ARHGAP10: variants seen among roughly 807,000 people sequenced by gnomAD.
The protein encoded by ARHGAP10 is Rho GTPase activating protein 10.
A neutral mutation model predicts 108.6 loss-of-function variants in ARHGAP10; 87 were observed. That is an observed-to-expected ratio of 0.80 (90% CI 0.67 to 0.96). ARHGAP10 has a LOEUF of 0.96. Among genes scored for constraint, ARHGAP10 ranks in the 40% least tolerant of loss-of-function variants. The pLI, the probability that ARHGAP10 is intolerant of heterozygous loss-of-function variation, is 0.00. For missense variants in ARHGAP10, 939 were observed against 954.5 expected (o/e 0.98, Z 0.21); for synonymous variants, 347 against 341.1 (o/e 1.02, Z -0.19).
chr4:147,737,056 T>C (rs1728446150), intron 1 of ARHGAP10, among the ~76,000 whole-genome samples: 1 of 152,230 alleles, frequency 6.6e-6, no homozygotes, highest in African/African-American at 2.4e-5. Context: ...GGATTTTCTA[T>C]GCTTTGAATG....
chr4:147,989,111 A>G (rs1740161820), intron 18 of ARHGAP10, among the ~76,000 whole-genome samples: 1 of 152,240 alleles, frequency 6.6e-6, no homozygotes, highest in Non-Finnish European at 1.5e-5. Context: ...TCCGGGGGAG[A>G]CATCACACAT....
chr4:147,874,007 G>A (rs1329098268), intron 7 of ARHGAP10, among the ~76,000 whole-genome samples: 3 of 151,244 alleles, frequency 2.0e-5, no homozygotes, highest in Non-Finnish European at 4.4e-5. Flanking sequence ...GATATTTCTC[G>A]CAGCTCTTAG....
chr4:147,981,810 TCTTA>T (rs1560857679), intron 18 of ARHGAP10, among the ~76,000 whole-genome samples: 1 of 151,340 alleles, frequency 6.6e-6, no homozygotes, highest in Non-Finnish European at 1.5e-5. Context: ...TATGTAATGC[TCTTA>T]CTTGTCCTTT....
intron 20 of ARHGAP10, among the ~76,000 whole-genome samples, chr4:148,050,186 G>A (rs1163349498): frequency 6.6e-6 from 1 of 151,708 alleles, no homozygotes; most frequent in African/African-American, 2.4e-5. Flanking sequence ...TTAATGATAG[G>A]AATTAGATCT....
At chr4:147,773,008 A>G (rs1730137848) in intron 1 of ARHGAP10, among the ~76,000 whole-genome samples, 1 of 152,206 alleles carries the variant, frequency 6.6e-6, no homozygotes, top group Admixed American at 6.5e-5. Context: ...GAACTCCTGC[A>G]TTCCAGAGTT....
chr4:147,972,695 G>A (rs1739456213), intron 18 of ARHGAP10, among the ~76,000 whole-genome samples: 1 of 152,168 alleles, frequency 6.6e-6, no homozygotes, highest in South Asian at 2.1e-4. Flanking sequence ...CAAGTATGAG[G>A]ACAGGCTAGT....
chr4:148,052,157 A>C (rs17024286), intron 20 of ARHGAP10, among the ~76,000 whole-genome samples: 130 of 152,118 alleles, frequency 8.5e-4, no homozygotes, highest in African/African-American at 3.0e-3. Context: ...TCTGGTGCCT[A>C]CTGAGAAATT....
chr4:147,792,036 G>A (rs1048150040), intron 1 of ARHGAP10, among the ~76,000 whole-genome samples: 6 of 152,196 alleles, frequency 3.9e-5, no homozygotes, highest in Admixed American at 3.9e-4. Context: ...GGGACATCAC[G>A]TGAGAGTAGA....
intron 7 of ARHGAP10, among the ~76,000 whole-genome samples, chr4:147,872,790 A>G (rs1039496105): frequency 6.6e-6 from 1 of 152,218 alleles, no homozygotes; most frequent in Non-Finnish European, 1.5e-5. Context: ...GTGTCTTCAT[A>G]ATGAGTAGGC....
chr4:147,734,893 C>T (rs928163168), intron 1 of ARHGAP10, among the ~76,000 whole-genome samples: 1 of 152,082 alleles, frequency 6.6e-6, no homozygotes, highest in Non-Finnish European at 1.5e-5. Context: ...TTTATATTTC[C>T]AGATATTTTA....
intron 18 of ARHGAP10, among the ~76,000 whole-genome samples, chr4:147,980,361 C>A (rs902379859): frequency 6.6e-6 from 1 of 151,984 alleles, no homozygotes; most frequent in Non-Finnish European, 1.5e-5. Flanking sequence ...GGTAGATGAA[C>A]CACTGCTACA....
At chr4:147,991,409 G>T (rs1478437912) in intron 18 of ARHGAP10, among the ~76,000 whole-genome samples, 2 of 152,140 alleles carry the variant, frequency 1.3e-5, no homozygotes, top group Non-Finnish European at 2.9e-5. Context: ...GCTTCCTCAT[G>T]TTTTTTCCCA....
chr4:148,070,888 G>T (rs1399972415), intron 22 of ARHGAP10, among the ~76,000 whole-genome samples: 1 of 152,222 alleles, frequency 6.6e-6, no homozygotes, highest in African/African-American at 2.4e-5. Flanking sequence ...GTTATGAAAT[G>T]CTTCTGTATT....
At chr4:148,010,278 A>G (rs1323804987) in intron 18 of ARHGAP10, among the ~76,000 whole-genome samples, 1 of 152,196 alleles carries the variant, frequency 6.6e-6, no homozygotes, top group Non-Finnish European at 1.5e-5. Flanking sequence ...TGAGCTATAG[A>G]GAAGTTAAGT....
chr4:147,775,890 A>G (rs1195294438), intron 1 of ARHGAP10, among the ~76,000 whole-genome samples: 2 of 152,122 alleles, frequency 1.3e-5, no homozygotes, highest in Admixed American at 6.5e-5. Flanking sequence ...GATATAATGT[A>G]TGTTATTTGA....
intron 1 of ARHGAP10, among the ~76,000 whole-genome samples, chr4:147,750,408 T>C (rs1350897508): frequency 2.0e-5 from 3 of 152,172 alleles, no homozygotes; most frequent in Non-Finnish European, 4.4e-5. Flanking sequence ...GATTAATACA[T>C]AATTCAGCTT....
chr4:148,063,330 T>C, intron 21 of ARHGAP10, 30 bp downstream of exon 21: 1 of 1,603,268 alleles, frequency 6.2e-7, no homozygotes, highest in Non-Finnish European at 8.5e-7. Flanking sequence ...ATGTGGAATA[T>C]GGTGGCAGCA....
rs555478378 is a variant in ARHGAP10, at chr4:147,856,347, C to T, written c.385-1206C>T. The stretch of plus-strand genomic sequence containing the variant: ...TTTAGGCCCTGTTGACCTATTGATA[C>T]GTATTTTAAATAGCGTTACAGAAAT... On this transcript the variant is annotated intron_variant, in intron 4 of 22. Transcript: ENST00000336498. Among the ~76,000 whole-genome samples, 10 of 152,190 alleles carry T rather than the reference C, an allele frequency of 6.6e-5. No individual in the cohort carries two copies. In the East Asian group the frequency reaches 9.6e-4, roughly 15 times the overall value.
chr4:147,886,000 G>A (rs1324126676), intron 10 of ARHGAP10, among the ~76,000 whole-genome samples: 1 of 152,148 alleles, frequency 6.6e-6, no homozygotes. Context: ...CATGTGATGG[G>A]TTGTAGTCAG....
Sources: gnomAD v4.1 joint callset for allele counts (sites outside exome capture counted in the v4.1 genomes callset) on GRCh38, gnomAD v4.1.1 for gene constraint, MANE v1.5 for transcripts, NCBI Gene and HGNC (gene_info 2026-07-23, HGNC 2026-07-21) for gene names.